The following MC5R variants were observed in gnomAD, a reference collection of about 807,000 sequenced individuals.
The protein encoded by MC5R is melanocortin 5 receptor.
For synonymous variants in MC5R, 167 were observed against 164.4 expected (o/e 1.02, Z -0.12); for missense variants, 420 against 431.4 (o/e 0.97, Z 0.23).
At chr18:13,824,527 G>A (rs565162951) in intron 1 of MC5R, among the ~76,000 whole-genome samples, 1 of 152,210 alleles carries the variant, frequency 6.6e-6, no homozygotes, top group East Asian at 1.9e-4. Flanking sequence ...ATAGATTTAG[G>A]GGGTACAGGT....
intron 1 of MC5R, among the ~76,000 whole-genome samples, chr18:13,824,741 G>A: frequency 6.6e-6 from 1 of 152,076 alleles, no homozygotes; most frequent in East Asian, 1.9e-4. Context: ...AGGGCAAAGG[G>A]ATTTTTGAAA....
intron 1 of MC5R, 65 bp from the exon 2 acceptor site, chr18:13,825,662 G>T: frequency 1.0e-6 from 1 of 983,970 alleles, no homozygotes; most frequent in South Asian, 1.6e-5. Flanking sequence ...TTCTAGGCTA[G>T]CTGCTGTCTT....
Position 13,825,862 on chromosome 18 carries a change from T to C in MC5R, c.97T>C (p.Cys33Arg). ...CAATGTCAAAAACAAGTCTTCACCA[T>C]GTGAAGACATGGGCATTGCTGTGGA... ...GPNVKNKSSP[C>R]EDMGIAVEVF... The change falls in exon 2 of 2, where the codon TGT (cysteine) becomes CGT (arginine). Residue 33 changes from cysteine (C) to arginine (R), a missense_variant. Physicochemically the swap from Cys to Arg is radical, Grantham distance 180. Coordinates refer to ENST00000589410, the MANE Select transcript of MC5R (RefSeq NM_005913.3). The C allele has an allele frequency of 6.2e-7, 1 of 1,613,734 alleles. No individual in the cohort carries two copies. Among genetic ancestry groups the C allele is most frequent in the Non-Finnish European group, 8.5e-7 (1 of 1,179,642 alleles).
At chr18:13,824,908 A>G (rs971682586) in intron 1 of MC5R, among the ~76,000 whole-genome samples, 1 of 152,150 alleles carries the variant, frequency 6.6e-6, no homozygotes, top group Non-Finnish European at 1.5e-5. Context: ...ATAGGTATTG[A>G]GGGAAAAGCA....
Position 13,826,719 on chromosome 18 carries a change from C to T in MC5R, c.954C>T (p.Ala318=), listed in dbSNP as rs766933366. The T allele has an allele frequency of 1.2e-6, 2 of 1,611,260 alleles. No individual in the cohort carries two copies. The highest frequency in any genetic ancestry group is 2.2e-5 in the South Asian group (2 of 90,628). ...TTTGCTGCCGTGGTTTCAGGATCGC[C>T]TGCAGCTTTCCCAGAAGGGATTAAG... ...EIICCRGFRI[A]CSFPRRD is the part of the protein sequence containing the mutation. Residue 318 remains alanine (A), a synonymous_variant, in exon 2 of 2, where the codon GCC becomes GCT. Coordinates refer to ENST00000589410, the MANE Select transcript of MC5R (RefSeq NM_005913.3).
In MC5R at chr18:13,825,992, G is replaced by C; in HGVS notation, c.227G>C (p.Cys76Ser). The C allele has an allele frequency of 6.2e-7, 1 of 1,614,130 alleles. No homozygotes were observed. The highest frequency in any genetic ancestry group is 1.6e-4 in the Middle Eastern group (1 of 6,062). ...NLHSPMYFFV[C>S]SLAVADMLVS... The stretch of plus-strand genomic sequence containing the variant: ...CACTCCCCCATGTACTTCTTCGTGT[G>C]CAGCCTGGCAGTGGCGGACATGCTG... Residue 76 changes from cysteine to serine, a missense_variant, in exon 2 of 2, where the codon TGC (cysteine) becomes TCC (serine). Cys to Ser is a moderately radical substitution (Grantham distance 112, BLOSUM62 -1). Transcript: ENST00000589410.
At chr18:13,824,943 C>T (rs1293453) in intron 1 of MC5R, among the ~76,000 whole-genome samples, 64,953 of 151,932 alleles carry the variant, frequency 0.43, 15,523 homozygotes, top group African/African-American at 0.66. Flanking sequence ...AATTTTAACA[C>T]GTATGTGCAG....
rs977663530 is a variant in MC5R at position 13,824,259 on chromosome 18, G to T, written c.-55G>T. ...GGGCCCGGGCTGAGCGCCGCGGCCC[G>T]CGAGGAGGAGCACCGGTAAATAGCC... On this transcript the variant is annotated 5_prime_UTR_variant, in exon 1 of 2. Coordinates refer to ENST00000589410, the MANE Select transcript of MC5R (RefSeq NM_005913.3). 6.6e-6 allele frequency: 1 copy of T among 152,232 alleles called. No individual in the cohort carries two copies. Among genetic ancestry groups the T allele is most frequent in the African/African-American group, 2.4e-5 (1 of 41,474 alleles). 9.4% of individuals were successfully genotyped at this position (152,232 alleles called of 1,614,324 possible). A position where few individuals can be genotyped will look rare whatever the true frequency, so the allele number is the denominator to read the frequency against.
At position 13,824,258 on chromosome 18, in the gene MC5R, C is replaced by A. The variant is rs1436751067; in HGVS notation, c.-56C>A. The A allele has an allele frequency of 6.6e-6, 1 of 152,224 alleles. No homozygotes were observed. The highest frequency in any genetic ancestry group is 2.4e-5 in the African/African-American group (1 of 41,458). 9.4% of individuals were successfully genotyped at this position (152,224 alleles called of 1,614,324 possible). On this transcript the variant is annotated 5_prime_UTR_variant, in exon 1 of 2. Coordinates refer to ENST00000589410, the MANE Select transcript of MC5R (RefSeq NM_005913.3). ...GGGGCCCGGGCTGAGCGCCGCGGCC[C>A]GCGAGGAGGAGCACCGGTAAATAGC...
Position 13,826,619 on chromosome 18 carries a change from T to C in MC5R, c.854T>C (p.Met285Thr). ...SHFNMYLILIMCNSVMDPLIY... is the reference protein window; with the variant it reads ...SHFNMYLILITCNSVMDPLIY... ...TTCAATATGTACCTCATACTCATCATGTGTAATTCCGTGATGGACCCTCTC... is the reference window on the plus strand; with the variant it reads ...TTCAATATGTACCTCATACTCATCACGTGTAATTCCGTGATGGACCCTCTC... Residue 285 changes from methionine (M) to threonine (T), a missense_variant, in exon 2 of 2, where the codon ATG (methionine) becomes ACG (threonine). By Grantham distance (81) the Met-to-Thr change is moderately conservative. Transcript: ENST00000589410. The C allele has an allele frequency of 1.9e-6, 3 of 1,614,158 alleles. No individual in the cohort carries two copies. The highest frequency in any genetic ancestry group is 1.3e-5 in the African/African-American group (1 of 75,034).
Position 13,827,051 on chromosome 18 carries a change from C to T in MC5R, c.*308C>T. On this transcript the variant is annotated 3_prime_UTR_variant, in exon 2 of 2. Coordinates refer to ENST00000589410, the MANE Select transcript of MC5R (RefSeq NM_005913.3). The stretch of plus-strand genomic sequence containing the variant: ...CTAGCAGGCATGTGCTCGGGGAATG[C>T]ACAGCACCCTCAGTGCAAGCCAGAC... 3.1e-6 allele frequency: 1 copy of T among 320,084 alleles called. No homozygotes were observed. Among genetic ancestry groups the T allele is most frequent in the South Asian group, 6.2e-5 (1 of 16,182 alleles). The allele number at this position is 320,084 out of a possible 1,614,324, so 19.8% of individuals were successfully genotyped here.
At position 13,826,003 on chromosome 18, in the gene MC5R, G is replaced by C. The variant is rs1437493806; in HGVS notation, c.238G>C (p.Val80Leu). ...GTACTTCTTCGTGTGCAGCCTGGCA[G>C]TGGCGGACATGCTGGTGAGCATGTC... ...PMYFFVCSLA[V>L]ADMLVSMSSA... The change falls in exon 2 of 2, where the codon GTG (valine) becomes CTG (leucine). Residue 80 changes from valine to leucine, a missense_variant. By Grantham distance (32) the Val-to-Leu change is conservative (BLOSUM62 1). Transcript: ENST00000589410. 1 of 1,614,134 alleles carries C rather than the reference G, an allele frequency of 6.2e-7. No homozygotes were observed. Among genetic ancestry groups the C allele is most frequent in the Non-Finnish European group, 8.5e-7 (1 of 1,180,020 alleles).
chr18:13,826,574 G>A lies in MC5R; in HGVS notation c.809G>A (p.Cys270Tyr). 2 of 1,614,090 alleles carry A rather than the reference G, an allele frequency of 1.2e-6. No homozygotes were observed. Among genetic ancestry groups the A allele is most frequent in the Non-Finnish European group, 1.7e-6 (2 of 1,180,006 alleles). The part of the protein sequence containing the change: ...LMLSCPQNLY[C>Y]SRFMSHFNMY... ...CTTTCTTGCCCTCAGAACCTCTACTGCTCTCGCTTCATGTCTCACTTCAAT... is the reference window on the plus strand; with the variant it reads ...CTTTCTTGCCCTCAGAACCTCTACTACTCTCGCTTCATGTCTCACTTCAAT... The change falls in exon 2 of 2, where the codon TGC becomes TAC. Residue 270 changes from cysteine to tyrosine, a missense_variant. Transcript: ENST00000589410.
At chr18:13,825,383 C>G (rs1299969254) in intron 1 of MC5R, among the ~76,000 whole-genome samples, 1 of 152,058 alleles carries the variant, frequency 6.6e-6, no homozygotes, top group African/African-American at 2.4e-5. Flanking sequence ...GGTGAAGATT[C>G]TAATCTGCGT....
At position 13,826,574 on chromosome 18, in the gene MC5R, G is replaced by C. The variant is rs746344586; in HGVS notation, c.809G>C (p.Cys270Ser). ...LMLSCPQNLY[C>S]SRFMSHFNMY... ...CTTTCTTGCCCTCAGAACCTCTACT[G>C]CTCTCGCTTCATGTCTCACTTCAAT... Residue 270 changes from cysteine (C) to serine (S), a missense_variant, in exon 2 of 2, where the codon TGC (cysteine) becomes TCC (serine). Coordinates refer to ENST00000589410, the MANE Select transcript of MC5R (RefSeq NM_005913.3). 45 of 1,613,972 alleles carry C rather than the reference G, an allele frequency of 2.8e-5. No homozygotes were observed. The highest frequency in any genetic ancestry group is 3.7e-5 in the Non-Finnish European group (44 of 1,180,014).
Position 13,825,973 on chromosome 18 carries a change from C to T in MC5R, c.208C>T (p.Pro70Ser). ...AGTGAAGAACAAAAACCTGCACTCC[C>T]CCATGTACTTCTTCGTGTGCAGCCT... is the stretch of plus-strand genomic sequence containing the variant. Reference protein sequence around the residue: ...AIVKNKNLHSPMYFFVCSLAV... With the variant: ...AIVKNKNLHSSMYFFVCSLAV... Residue 70 changes from proline to serine, a missense_variant, in exon 2 of 2, where the codon CCC becomes TCC. By Grantham distance (74) the Pro-to-Ser change is moderately conservative. Transcript: ENST00000589410. 6.2e-7 allele frequency: 1 copy of T among 1,614,140 alleles called. No individual in the cohort carries two copies. The highest frequency in any genetic ancestry group is 1.1e-5 in the South Asian group (1 of 91,076).
At position 13,826,470 on chromosome 18, in the gene MC5R, G is replaced by C. The variant is rs1313403966; in HGVS notation, c.705G>C (p.Gln235His). 1 of 1,613,670 alleles carries C rather than the reference G, an allele frequency of 6.2e-7. No homozygotes were observed. The highest frequency in any genetic ancestry group is 8.5e-7 in the Non-Finnish European group (1 of 1,179,652). The change falls in exon 2 of 2, where the codon CAG becomes CAC. Residue 235 changes from glutamine to histidine, a missense_variant. By Grantham distance (24) the Gln-to-His change is conservative. Coordinates refer to ENST00000589410, the MANE Select transcript of MC5R (RefSeq NM_005913.3). Reference protein sequence around the residue: ...ASSARQRTSMQGAVTVTMLLG... With the variant: ...ASSARQRTSMHGAVTVTMLLG... ...CTGCGCGGCAGAGGACCAGCATGCA[G>C]GGCGCGGTCACCGTCACCATGCTGC...
Position 13,826,694 on chromosome 18 carries a change from T to G in MC5R, c.929T>G (p.Ile310Ser). 6.2e-7 allele frequency: 1 copy of G among 1,613,638 alleles called. No homozygotes were observed. Among genetic ancestry groups the G allele is most frequent in the Non-Finnish European group, 8.5e-7 (1 of 1,179,880 alleles). The change falls in exon 2 of 2, where the codon ATT becomes AGT. Residue 310 changes from isoleucine (I) to serine (S), a missense_variant. Transcript: ENST00000589410. ...ATGCGGAAGACCTTTAAGGAGATTATTTGCTGCCGTGGTTTCAGGATCGCC... is the reference window on the plus strand; with the variant it reads ...ATGCGGAAGACCTTTAAGGAGATTAGTTGCTGCCGTGGTTTCAGGATCGCC... The part of the protein sequence containing the change: ...QEMRKTFKEI[I>S]CCRGFRIACS...
chr18:13,826,688 A>C lies in MC5R; in HGVS notation c.923A>C (p.Glu308Ala), dbSNP rs776551366. 1.9e-6 allele frequency: 3 copies of C among 1,612,932 alleles called. No homozygotes were observed. The highest frequency in any genetic ancestry group is 2.5e-6 in the Non-Finnish European group (3 of 1,179,680). Residue 308 changes from glutamate (E) to alanine (A), a missense_variant, in exon 2 of 2, where the codon GAG (glutamate) becomes GCG (alanine). Physicochemically the swap from Glu to Ala is moderately radical, Grantham distance 107 (BLOSUM62 -1). Coordinates refer to ENST00000589410, the MANE Select transcript of MC5R (RefSeq NM_005913.3). ...CAAGAGATGCGGAAGACCTTTAAGGAGATTATTTGCTGCCGTGGTTTCAGG... is the reference window on the plus strand; with the variant it reads ...CAAGAGATGCGGAAGACCTTTAAGGCGATTATTTGCTGCCGTGGTTTCAGG... ...RSQEMRKTFK[E>A]IICCRGFRIA...
Sources: allele counts gnomAD v4.1 joint callset (sites outside exome capture counted in the v4.1 genomes callset), GRCh38; gene constraint gnomAD v4.1.1; transcripts MANE v1.5; gene names NCBI Gene and HGNC (gene_info 2026-07-23, HGNC 2026-07-21).